Variants in WDR27 observed in about 807,000 individuals in gnomAD.
The protein encoded by WDR27 is WD repeat domain 27, also known as WD repeat-containing protein 27.
In WDR27, 100 loss-of-function variants were observed where a neutral mutation model predicts 114.4. The ratio of observed to expected loss-of-function variants is 0.87; its 90% CI spans 0.74 to 1.03. The LOEUF is 1.03. Among genes scored for constraint, WDR27 ranks in the 50% least tolerant of loss-of-function variants. The pLI, the probability that WDR27 is intolerant of heterozygous loss-of-function variation, is 0.00. For synonymous variants in WDR27, 449 were observed against 423.1 expected, an observed-to-expected ratio of 1.06 and a Z score of -0.75; for missense variants, 1,129 against 1,092.9, an observed-to-expected ratio of 1.03 and a Z score of -0.47.
At chr6:169,608,831 C>G (rs963225171) in intron 22 of WDR27, among the ~76,000 whole-genome samples, 4 of 152,194 alleles carry the variant, frequency 2.6e-5, no homozygotes, top group Non-Finnish European at 5.9e-5. Context: ...AAAGTCTCAT[C>G]TGGGACAAGC....
chr6:169,559,450 T>C (rs1799362204), intron 25 of WDR27: 1 of 152,160 alleles, frequency 6.6e-6, no homozygotes, highest in Admixed American at 6.5e-5. Context: ...TTCAGAACTA[T>C]AAATTGTACA....
chr6:169,478,306 C>A lies in WDR27; in HGVS notation c.2646-20672G>T, dbSNP rs531899870. ...TTCATTTAAAACAAATAAATGCTAC[C>A]ACATGTTGGACAAAGTAATGCAGAT... is the stretch of plus-strand genomic sequence containing the variant. On this transcript the variant is annotated intron_variant, in intron 25 of 25. Coordinates refer to ENST00000448612, the MANE Select transcript of WDR27 (RefSeq NM_182552.5). Among the ~76,000 whole-genome samples the A allele has an allele frequency of 2.4e-4, 36 of 152,142 alleles. 1 individual carries two copies. In the South Asian group the frequency reaches 7.3e-3, roughly 31 times the overall value.
chr6:169,686,490 G>A (rs74729205), intron 2 of WDR27, among the ~76,000 whole-genome samples: 223 of 152,152 alleles, frequency 1.5e-3, no homozygotes, highest in African/African-American at 4.9e-3. Context: ...AGAAAAATAT[G>A]ACCCAACTAT....
the WDR27 span, among the ~76,000 whole-genome samples, chr6:169,439,490 T>C: frequency 1.3e-5 from 2 of 152,126 alleles, no homozygotes; most frequent in Admixed American, 1.3e-4. Context: ...GTCTAGTAAC[T>C]TTAAGATCAA....
At chr6:169,575,215 C>A (rs1257906983) in intron 24 of WDR27, among the ~76,000 whole-genome samples, 1 of 149,352 alleles carries the variant, frequency 6.7e-6, no homozygotes, top group Non-Finnish European at 1.5e-5. Flanking sequence ...TCCACCCATC[C>A]ATCCATCCAT....
At position 169,644,352 on chromosome 6, in the gene WDR27, C is replaced by T. The variant is rs1277553255; in HGVS notation, c.1658-566G>A. 5.3e-5 allele frequency among the ~76,000 whole-genome samples: 8 copies of T among 151,734 alleles called. No individual in the cohort carries two copies. The South Asian group carries it at 1.5e-3, about 28-fold the overall frequency. ...TCACACGAGTCACACTGTAGAAAAG[C>T]CTAGTTCATACGAGTCACACTGTAG... On this transcript the variant is annotated intron_variant, in intron 16 of 25. Transcript: ENST00000448612.
chr6:169,680,460 T>C (rs1781212450), intron 2 of WDR27, among the ~76,000 whole-genome samples: 1 of 152,132 alleles, frequency 6.6e-6, no homozygotes, highest in African/African-American at 2.4e-5. Flanking sequence ...TGGCCGCCTG[T>C]AGTCCCAGCT....
chr6:169,639,460 G>A (rs942817707), intron 17 of WDR27, among the ~76,000 whole-genome samples: 5 of 150,348 alleles, frequency 3.3e-5, no homozygotes, highest in African/African-American at 7.4e-5. Flanking sequence ...TGCTGTCAAC[G>A]TTGAAGAAAA....
At chr6:169,541,013 T>A (rs1271619312) in intron 25 of WDR27, among the ~76,000 whole-genome samples, 1 of 152,198 alleles carries the variant, frequency 6.6e-6, no homozygotes, top group Non-Finnish European at 1.5e-5. Context: ...TAGCCTTCAA[T>A]TTAATTGGTT....
intron 25 of WDR27, among the ~76,000 whole-genome samples, chr6:169,461,690 T>C (rs545131639): frequency 1.4e-5 from 2 of 146,092 alleles, no homozygotes; most frequent in African/African-American, 5.0e-5. Flanking sequence ...GCAACCTAAC[T>C]TTACAACTTT....
chr6:169,571,563 C>T (rs1249749942), intron 25 of WDR27, among the ~76,000 whole-genome samples: 1 of 152,240 alleles, frequency 6.6e-6, no homozygotes, highest in African/African-American at 2.4e-5. Context: ...TGCGGCAGCT[C>T]GCACCTGCAA....
chr6:169,581,534 A>G (rs1803422420), intron 24 of WDR27, among the ~76,000 whole-genome samples: 1 of 152,244 alleles, frequency 6.6e-6, no homozygotes, highest in South Asian at 2.1e-4. Flanking sequence ...CTCATCATGG[A>G]AAGAGTGAAG....
the WDR27 span, among the ~76,000 whole-genome samples, chr6:169,432,425 G>A: frequency 6.6e-6 from 1 of 152,182 alleles, no homozygotes; most frequent in Non-Finnish European, 1.5e-5. Flanking sequence ...ATCTCATCTT[G>A]TAGCTCCCAT....
At chr6:169,666,379 T>C in intron 6 of WDR27, 1 of 985,234 alleles carries the variant, frequency 1.0e-6, no homozygotes, top group South Asian at 4.7e-5. Flanking sequence ...CACCAAAGTA[T>C]CTGTATATGC....
At chr6:169,682,643 C>T (rs1293484199) in intron 2 of WDR27, among the ~76,000 whole-genome samples, 1 of 152,146 alleles carries the variant, frequency 6.6e-6, no homozygotes, top group Non-Finnish European at 1.5e-5. Context: ...TAAATAAATA[C>T]CTAATCCCTC....
chr6:169,658,414 A>G, intron 12 of WDR27, 56 bp from the exon 13 acceptor site: 2 of 1,326,874 alleles, frequency 1.5e-6, no homozygotes, highest in Admixed American at 2.0e-5. Flanking sequence ...TACGATGGAA[A>G]TGCCTCAGTG....
intron 25 of WDR27, among the ~76,000 whole-genome samples, chr6:169,477,748 T>C (rs1484652916): frequency 1.3e-5 from 2 of 152,334 alleles, no homozygotes; most frequent in African/African-American, 2.4e-5. Flanking sequence ...TGGCAGTTTC[T>C]TATAAAGTAA....
Position 169,573,446 on chromosome 6 carries a change from C to G in WDR27, c.2524-906G>C, listed in dbSNP as rs187704554. 4.8e-3 allele frequency among the ~76,000 whole-genome samples: 737 copies of G among 152,220 alleles called. 14 individuals carry two copies. The highest frequency in any genetic ancestry group is 0.017 in the African/African-American group (716 of 41,516). On this transcript the variant is annotated intron_variant, in intron 24 of 25. Coordinates refer to ENST00000448612, the MANE Select transcript of WDR27 (RefSeq NM_182552.5). Reference sequence around the variant, plus strand: ...ACTTATAGATGGATTATTTTTCAACCAAACTCGGATCAAAAATACAGCCCC... The same window carrying G: ...ACTTATAGATGGATTATTTTTCAACGAAACTCGGATCAAAAATACAGCCCC...
chr6:169,592,574 G>A (rs568141874), intron 23 of WDR27, among the ~76,000 whole-genome samples: 50 of 152,018 alleles, frequency 3.3e-4, no homozygotes, highest in Non-Finnish European at 5.4e-4. Flanking sequence ...TTATTTTATT[G>A]TTCATATTGG....
Sources: allele counts gnomAD v4.1 joint callset (sites outside exome capture counted in the v4.1 genomes callset), GRCh38; gene constraint gnomAD v4.1.1; transcripts MANE v1.5; gene names NCBI Gene and HGNC (gene_info 2026-07-23, HGNC 2026-07-21).